THSD4: variants seen among roughly 807,000 people sequenced by gnomAD.
THSD4 encodes thrombospondin type 1 domain containing 4.
A neutral mutation model predicts 119.0 loss-of-function variants in THSD4; 69 were observed. That is an observed-to-expected ratio of 0.58 (90% confidence interval 0.48 to 0.71). THSD4 has a LOEUF of 0.71. Among genes scored for constraint, THSD4 ranks in the 30% least tolerant of loss-of-function variants. THSD4 has a pLI of 0.00. For missense variants in THSD4, 1,393 were observed against 1,391.1 expected (o/e 1.00, Z -0.02); for synonymous variants, 524 against 540.4 (o/e 0.97, Z 0.42).
chr15:71,332,704 C>G (rs1288188766), intron 6 of THSD4, among the ~76,000 whole-genome samples: 1 of 152,038 alleles, frequency 6.6e-6, no homozygotes, highest in East Asian at 1.9e-4. Flanking sequence ...GTCTCTCTCT[C>G]TCTTTTGCCA....
chr15:71,491,069 G>T (rs2047911515), intron 7 of THSD4, among the ~76,000 whole-genome samples: 1 of 152,196 alleles, frequency 6.6e-6, no homozygotes, highest in African/African-American at 2.4e-5. Flanking sequence ...TAAAGCCCAA[G>T]AAATGGAATT....
In THSD4 at chr15:71,551,265, T is replaced by C. The variant is rs1204794722; in HGVS notation, c.1153-109265T>C. On this transcript the variant is annotated intron_variant, in intron 7 of 17. Transcript: ENST00000261862. ...CCATTGCAAATGCTACCAAGTGTAT[T>C]AACCCTGTGCTGAAAAAAGAAAGGT... Among the ~76,000 whole-genome samples the C allele has an allele frequency of 2.0e-5, 3 of 152,340 alleles. No individual in the cohort carries two copies. The South Asian group carries it at 6.2e-4, about 32-fold the overall frequency.
intron 8 of THSD4, among the ~76,000 whole-genome samples, chr15:71,691,734 T>A (rs1331015568): frequency 2.0e-5 from 3 of 152,202 alleles, no homozygotes; most frequent in Non-Finnish European, 4.4e-5. Context: ...TCTCTTTTTT[T>A]AGGGTGTGAG....
intron 8 of THSD4, among the ~76,000 whole-genome samples, 172 bp from the exon 9 acceptor site, chr15:71,728,377 G>A (rs1280368653): frequency 6.6e-6 from 1 of 152,184 alleles, no homozygotes; most frequent in Non-Finnish European, 1.5e-5. Context: ...TAAGCCCAAG[G>A]GGATGTAATC....
chr15:71,369,825 C>T (rs540954119), intron 6 of THSD4, among the ~76,000 whole-genome samples: 8 of 152,112 alleles, frequency 5.3e-5, no homozygotes. Flanking sequence ...CCCTCTTTTT[C>T]TATTGATTGG....
At chr15:71,112,011 A>C (rs758033553), upstream of THSD4, 4 of 1,226,702 alleles carry the variant, frequency 3.3e-6, no homozygotes, top group Non-Finnish European at 4.5e-6. Flanking sequence ...TTCCCCCCAA[A>C]GGGTCCAGCT....
At chr15:71,595,875 G>A (rs1279261999) in intron 7 of THSD4, among the ~76,000 whole-genome samples, 1 of 152,202 alleles carries the variant, frequency 6.6e-6, no homozygotes, top group African/African-American at 2.4e-5. Context: ...GTCTGCGAAA[G>A]TGACAGAAAG....
chr15:71,337,572 C>T (rs1278546566), intron 6 of THSD4, among the ~76,000 whole-genome samples: 1 of 152,224 alleles, frequency 6.6e-6, no homozygotes, highest in Non-Finnish European at 1.5e-5. Flanking sequence ...GTTTCCCAGT[C>T]AGGGATGGGG....
chr15:71,775,165 C>A (rs1349176384), intron 17 of THSD4, among the ~76,000 whole-genome samples: 1 of 151,828 alleles, frequency 6.6e-6, no homozygotes, highest in East Asian at 1.9e-4. Flanking sequence ...AAATTAGAAG[C>A]AATTACATTT....
chr15:71,615,234 T>C (rs1472870002), intron 7 of THSD4, among the ~76,000 whole-genome samples: 2 of 152,188 alleles, frequency 1.3e-5, no homozygotes, highest in Non-Finnish European at 2.9e-5. Flanking sequence ...GAGATTTCTG[T>C]GATGCATGGA....
At position 71,381,836 on chromosome 15, in the gene THSD4, T is replaced by C. The variant is rs145782777; in HGVS notation, c.1016-29851T>C. Among the ~76,000 whole-genome samples the C allele has an allele frequency of 2.0e-3, 305 of 152,292 alleles. No individual in the cohort carries two copies. The Middle Eastern group carries it at 0.02, about 10-fold the overall frequency. On this transcript the variant is annotated intron_variant, in intron 6 of 17. Transcript: ENST00000261862. ...ATATCCATAAAAGTAATTTAAATGT[T>C]AAACATTATTTCTTATTTGACAATG...
chr15:71,777,671 T>C lies in THSD4; in HGVS notation c.*297T>C. The C allele has an allele frequency of 2.5e-6, 1 of 401,324 alleles. No homozygotes were observed. The highest frequency in any genetic ancestry group is 4.7e-6 in the Non-Finnish European group (1 of 214,212). 24.9% of individuals were successfully genotyped at this position (401,324 alleles called of 1,614,324 possible). A position where few individuals can be genotyped will look rare whatever the true frequency, so the allele number is the denominator to read the frequency against. On this transcript the variant is annotated 3_prime_UTR_variant, in exon 18 of 18. Transcript: ENST00000261862. ...TCAAGCAGTGGGAAGTACATGGAGCTCTCAGCCCTGCTCCCATCTGGCACC... is the reference window on the plus strand; with the variant it reads ...TCAAGCAGTGGGAAGTACATGGAGCCCTCAGCCCTGCTCCCATCTGGCACC...
At chr15:71,184,710 C>T (rs1157368808) in intron 3 of THSD4, among the ~76,000 whole-genome samples, 1 of 151,798 alleles carries the variant, frequency 6.6e-6, no homozygotes, top group Non-Finnish European at 1.5e-5. Flanking sequence ...CCCTTGGTCT[C>T]TAGAAAGTGG....
rs1246975795 is a variant in THSD4 at position 71,614,705 on chromosome 15, TC to T, written c.1153-45824del. On this transcript the variant is annotated intron_variant, in intron 7 of 17. Transcript: ENST00000261862. ...AATGAGAGGTCAATATTGGTTATGA[TC>T]ATGGTAGAGGATTCCAAAGAAAAAA... Among the ~76,000 whole-genome samples the T allele has an allele frequency of 3.3e-5, 5 of 152,310 alleles. No homozygotes were observed. The East Asian group carries it at 9.6e-4, about 29-fold the overall frequency.
chr15:71,731,492 T>G, intron 10 of THSD4: 1 of 408,982 alleles, frequency 2.4e-6, no homozygotes, highest in Non-Finnish European at 4.6e-6. Context: ...TTATACTAGT[T>G]TCCAGGCCAG....
At chr15:71,777,096 G>C in intron 17 of THSD4, 136 bp from the exon 18 acceptor site, 3 of 950,042 alleles carry the variant, frequency 3.2e-6, no homozygotes, top group Non-Finnish European at 4.8e-6. Flanking sequence ...TGAGCCCTTG[G>C]CACACATTCA....
chr15:71,290,141 C>G (rs1382304729), intron 6 of THSD4, among the ~76,000 whole-genome samples: 1 of 152,188 alleles, frequency 6.6e-6, no homozygotes, highest in Non-Finnish European at 1.5e-5. Context: ...TTAGTCTCCC[C>G]TACTGTGTCT....
intron 7 of THSD4, among the ~76,000 whole-genome samples, chr15:71,591,019 A>AAAAAAG (rs2049789899): frequency 1.3e-5 from 2 of 149,610 alleles, no homozygotes; most frequent in Non-Finnish European, 3.0e-5. Context: ...AAAAAAAAAA[A>AAAAAAG]AAAAAAAAAA....
rs549860182 is a variant in THSD4, at chr15:71,412,104, G to A, written c.1152+281G>A. Among the ~76,000 whole-genome samples the A allele has an allele frequency of 3.4e-4, 51 of 152,212 alleles. 1 individual carries two copies. The highest frequency in any genetic ancestry group is 5.9e-4 in the Admixed American group (9 of 15,276). ...ACAAGGGACACAGCAATCTTTGCGA[G>A]TTGGATCTGGAGCTCCTTCTTTGCC... On this transcript the variant is annotated intron_variant, in intron 7 of 17. Transcript: ENST00000261862.
Sources: gnomAD v4.1 joint callset for allele counts (sites outside exome capture counted in the v4.1 genomes callset) on GRCh38, gnomAD v4.1.1 for gene constraint, MANE v1.5 for transcripts, NCBI Gene and HGNC (gene_info 2026-07-23, HGNC 2026-07-21) for gene names.